ANK1: variants seen among roughly 807,000 people sequenced by gnomAD.
ANK1 encodes ankyrin 1.
A neutral mutation model predicts 210.4 loss-of-function variants in ANK1; 51 were observed. That is an observed-to-expected ratio of 0.24 (90% CI 0.19 to 0.31). The LOEUF is 0.31. Ranked by LOEUF, ANK1 falls within the 10% of genes least tolerant of loss-of-function variation. The probability of loss-of-function intolerance (pLI) is 1.00; values close to 1 mark genes in which losing one functional copy is unlikely to be tolerated. For synonymous variants in ANK1, 967 were observed against 1,025.9 expected, an observed-to-expected ratio of 0.94 and a Z score of 1.10; for missense variants, 2,051 against 2,504.4, an observed-to-expected ratio of 0.82 and a Z score of 3.86.
upstream of ANK1, among the ~76,000 whole-genome samples, chr8:41,799,678 G>T (rs79722057): frequency 3.3e-5 from 5 of 152,232 alleles, no homozygotes; most frequent in Admixed American, 6.5e-5. Context: ...GGCTTGAGGC[G>T]GGCCAGCACA....
chr8:41,716,790 C>T (rs1461593803), intron 13 of ANK1, among the ~76,000 whole-genome samples, 163 bp downstream of exon 13: 2 of 152,158 alleles, frequency 1.3e-5, no homozygotes, highest in African/African-American at 2.4e-5. Context: ...CTTCTCAAAC[C>T]CCCTGCAAAG....
chr8:41,767,937 A>G (rs1243009783), intron 1 of ANK1, among the ~76,000 whole-genome samples: 2 of 152,160 alleles, frequency 1.3e-5, no homozygotes, highest in Non-Finnish European at 2.9e-5. Flanking sequence ...GTGTCGTGAG[A>G]TACCAGTTAA....
At chr8:41,725,735 G>C in intron 6 of ANK1, 26 bp downstream of exon 6, 1 of 1,601,094 alleles carries the variant, frequency 6.2e-7, no homozygotes, top group East Asian at 2.2e-5. Flanking sequence ...CGCGGCCCAA[G>C]GCTCCTCCCT....
chr8:41,814,961 C>T (rs1214101874), intron 1 of ANK1, among the ~76,000 whole-genome samples: 1 of 151,988 alleles, frequency 6.6e-6, no homozygotes, highest in East Asian at 1.9e-4. Flanking sequence ...GAAGACAGAA[C>T]AATTTGCTTT....
intron 9 of ANK1, 47 bp from the exon 10 acceptor site, chr8:41,719,905 C>G: frequency 6.3e-7 from 1 of 1,596,698 alleles, no homozygotes; most frequent in Non-Finnish European, 8.6e-7. Flanking sequence ...TTCTGGGGAC[C>G]GAGCATGGAG....
At chr8:41,730,559 A>C (rs1175306324) in intron 3 of ANK1, among the ~76,000 whole-genome samples, 1 of 151,276 alleles carries the variant, frequency 6.6e-6, no homozygotes, top group African/African-American at 2.4e-5. Context: ...ATTTCTCCTC[A>C]AGTTCTATTT....
chr8:41,683,760 T>C (rs1269700684), intron 37 of ANK1, among the ~76,000 whole-genome samples: 1 of 151,374 alleles, frequency 6.6e-6, no homozygotes, highest in East Asian at 1.9e-4. Context: ...GGCCGGAGAG[T>C]GGGGCCTCGC....
At position 41,692,632 on chromosome 8, in the gene ANK1, G is replaced by T; in HGVS notation, c.3858+16C>A. On this transcript the variant is annotated intron_variant, in intron 31 of 42. Transcript: ENST00000289734. ...ACGGTTTGTCCCAGAGGCGGTGCAGGGCCCAGCCCTGTTACCTCTATGTCC... is the reference window on the plus strand; with the variant it reads ...ACGGTTTGTCCCAGAGGCGGTGCAGTGCCCAGCCCTGTTACCTCTATGTCC... 1.2e-6 allele frequency: 2 copies of T among 1,608,788 alleles called. No individual in the cohort carries two copies. The highest frequency in any genetic ancestry group is 1.7e-6 in the Non-Finnish European group (2 of 1,176,756).
intron 1 of ANK1, among the ~76,000 whole-genome samples, chr8:41,815,280 C>CT (rs1032387323): frequency 6.6e-6 from 1 of 151,766 alleles, no homozygotes; most frequent in Non-Finnish European, 1.5e-5. Context: ...ACAGAATCCT[C>CT]TTTTTTTTAA....
intron 36 of ANK1, among the ~76,000 whole-genome samples, chr8:41,685,222 C>A (rs1268798402): frequency 6.6e-6 from 1 of 152,218 alleles, no homozygotes; most frequent in Non-Finnish European, 1.5e-5. Context: ...AGCCACCGTG[C>A]CCACCACAGT....
chr8:41,678,207 C>T (rs146212991), intron 37 of ANK1, among the ~76,000 whole-genome samples: 11 of 151,520 alleles, frequency 7.3e-5, no homozygotes, highest in East Asian at 2.0e-4. Flanking sequence ...AATGTAATCT[C>T]GGTCCACTGC....
At chr8:41,771,828 T>G (rs200695177) in intron 1 of ANK1, among the ~76,000 whole-genome samples, 6 of 152,310 alleles carry the variant, frequency 3.9e-5, no homozygotes, top group South Asian at 2.1e-4. Context: ...CCTGGCTTGA[T>G]GCAGTGGGCT....
At chr8:41,896,060 G>C (rs1251418083) in intron 1 of ANK1, among the ~76,000 whole-genome samples, 1 of 152,214 alleles carries the variant, frequency 6.6e-6, no homozygotes, top group African/African-American at 2.4e-5. Context: ...CGGGCCTGCC[G>C]GGTGCTGTCC....
chr8:41,788,364 G>A (rs1398826717), intron 1 of ANK1, among the ~76,000 whole-genome samples: 1 of 152,178 alleles, frequency 6.6e-6, no homozygotes, highest in Non-Finnish European at 1.5e-5. Flanking sequence ...TGAAGTCGGA[G>A]TACTGACGTG....
intron 1 of ANK1, chr8:41,803,485 T>C (rs781159220): frequency 1.3e-5 from 2 of 152,234 alleles, no homozygotes; most frequent in East Asian, 1.9e-4. Context: ...GATTTTTCTC[T>C]GTAGACAATT....
chr8:41,852,715 G>T (rs1811485619), intron 1 of ANK1, among the ~76,000 whole-genome samples: 1 of 152,226 alleles, frequency 6.6e-6, no homozygotes, highest in South Asian at 2.1e-4. Context: ...ACGGTCCGAT[G>T]ATTTATCGAG....
At chr8:41,683,826 G>A (rs1365800738) in intron 37 of ANK1, among the ~76,000 whole-genome samples, 1 of 152,202 alleles carries the variant, frequency 6.6e-6, no homozygotes, top group Admixed American at 6.5e-5. Flanking sequence ...TTGCGAGGGG[G>A]CCTGGCCCAG....
intron 1 of ANK1, among the ~76,000 whole-genome samples, chr8:41,792,732 A>T (rs1291234598): frequency 6.6e-6 from 1 of 152,188 alleles, no homozygotes; most frequent in Non-Finnish European, 1.5e-5. Flanking sequence ...GGAAGGAGAA[A>T]CTATTTTATG....
At chr8:41,718,048 A>G in intron 11 of ANK1, 58 bp downstream of exon 11, 1 of 1,529,316 alleles carries the variant, frequency 6.5e-7, no homozygotes, top group Non-Finnish European at 9.0e-7. Context: ...ACTCTTGGAG[A>G]AGGTGGGTCG....
Sources: gnomAD v4.1 joint callset for allele counts (sites outside exome capture counted in the v4.1 genomes callset) on GRCh38, gnomAD v4.1.1 for gene constraint, MANE v1.5 for transcripts, NCBI Gene and HGNC (gene_info 2026-07-23, HGNC 2026-07-21) for gene names.